Variants in LBHD1 observed in about 807,000 individuals in gnomAD.
LBHD1 encodes the protein LBH domain containing 1, also known as LBH domain-containing protein 1.
A neutral mutation model predicts 31.1 loss-of-function variants in LBHD1; 28 were observed. That is an observed-to-expected ratio of 0.90 (90% confidence interval 0.67 to 1.24). The LOEUF (loss-of-function observed/expected upper bound fraction) is 1.24. Ranked by LOEUF, LBHD1 falls within the 50% of genes most tolerant of loss-of-function variation. The probability of loss-of-function intolerance (pLI) is 0.00; values close to 1 mark genes in which losing one functional copy is unlikely to be tolerated. For synonymous variants in LBHD1, 105 were observed against 116.5 expected (o/e 0.90, Z 0.63); for missense variants, 350 against 323.0 (o/e 1.08, Z -0.64).
At chr11:62,663,586 C>A (rs982671063) in intron 5 of LBHD1, among the ~76,000 whole-genome samples, 2 of 150,922 alleles carry the variant, frequency 1.3e-5, no homozygotes, top group Non-Finnish European at 2.9e-5. Flanking sequence ...CCCAGCTACT[C>A]GGGAGGCTGC....
intron 4 of LBHD1, chr11:62,665,318 G>C (rs1479137855): frequency 9.6e-6 from 7 of 727,156 alleles, no homozygotes; most frequent in Non-Finnish European, 1.6e-5. Flanking sequence ...AGGCCTTTCG[G>C]AGGGTGGTGA....
intron 3 of LBHD1, 92 bp downstream of exon 3, chr11:62,669,549 T>C: frequency 2.0e-6 from 3 of 1,525,920 alleles, no homozygotes; most frequent in Non-Finnish European, 2.6e-6. Context: ...TGCCTGGCAC[T>C]GCTGAATGCA....
rs1476006679 is a variant in LBHD1, at chr11:62,662,874, A to G, written c.*255T>C. The G allele has an allele frequency of 1.2e-5, 7 of 599,910 alleles. 1 individual carries two copies. The highest frequency in any genetic ancestry group is 2.1e-5 in the South Asian group (1 of 47,330). 37.2% of individuals were successfully genotyped at this position (599,910 alleles called of 1,614,324 possible). On this transcript the variant is annotated 3_prime_UTR_variant, in exon 7 of 7. Coordinates refer to ENST00000354588, the MANE Select transcript of LBHD1 (RefSeq NM_024099.5). Reference sequence around the variant, plus strand: ...TGACTGCTAGAGAGGCCCTTCTCCAATCTTTCTTCTGTACCTTCTTCCCTC... The same window carrying G: ...TGACTGCTAGAGAGGCCCTTCTCCAGTCTTTCTTCTGTACCTTCTTCCCTC...
chr11:62,666,696 G>A (rs1379515725), intron 4 of LBHD1: 1 of 1,613,988 alleles, frequency 6.2e-7, no homozygotes, highest in Non-Finnish European at 8.5e-7. Flanking sequence ...CTGGAGGGTG[G>A]CCCAGGCCAA....
chr11:62,667,024 T>TGTAAGCAAA, intron 4 of LBHD1: 1 of 1,607,406 alleles, frequency 6.2e-7, no homozygotes, highest in Non-Finnish European at 8.5e-7. Context: ...TCACCTACTT[T>TGTAAGCAAA]GCTTACTTGA....
Position 62,671,591 on chromosome 11 carries a change from A to T in LBHD1, c.-38T>A. 6.8e-7 allele frequency: 1 copy of T among 1,473,854 alleles called. No individual in the cohort carries two copies. Among genetic ancestry groups the T allele is most frequent in the Non-Finnish European group, 8.9e-7 (1 of 1,120,070 alleles). The allele number at this position is 1,473,854 out of a possible 1,614,324, so 91.3% of individuals were successfully genotyped here. Reference sequence around the variant, plus strand: ...GAGATCCAAGCGCTCCGGATTCCAAACGTTTCCTCGAGCAGGTCCTCTCTA... The same window carrying T: ...GAGATCCAAGCGCTCCGGATTCCAATCGTTTCCTCGAGCAGGTCCTCTCTA... On this transcript the variant is annotated 5_prime_UTR_variant, in exon 1 of 7. Transcript: ENST00000354588.
intron 4 of LBHD1, chr11:62,665,983 G>T: frequency 6.3e-7 from 1 of 1,588,664 alleles, no homozygotes; most frequent in Non-Finnish European, 8.6e-7. Context: ...GGGCAAGGTG[G>T]GGGCAGAGTG....
At position 62,672,048 on chromosome 11, in the gene LBHD1, G is replaced by T; in HGVS notation, c.-495C>A. ...TGCAGGAGGCAGCGACCACGCAGGAGAACGTGGCCTGGAGGAAGAACTGGA... is the reference window on the plus strand; with the variant it reads ...TGCAGGAGGCAGCGACCACGCAGGATAACGTGGCCTGGAGGAAGAACTGGA... On this transcript the variant is annotated 5_prime_UTR_variant, in exon 1 of 7. Transcript: ENST00000354588. 1.9e-6 allele frequency: 3 copies of T among 1,611,198 alleles called. No homozygotes were observed. The highest frequency in any genetic ancestry group is 2.5e-6 in the Non-Finnish European group (3 of 1,178,952).
In LBHD1 at chr11:62,667,698, G is replaced by T; in HGVS notation, c.363C>A (p.Asn121Lys). Residue 121 changes from asparagine to lysine, a missense_variant, in exon 4 of 7, where the codon AAC becomes AAA. By Grantham distance (94) the Asn-to-Lys change is moderately conservative. Transcript: ENST00000354588. ...QDPRSPLRTF[N>K]AGLSWGQDQD... The stretch of plus-strand genomic sequence containing the variant: ...GGTCCTGCCCCCAGCTGAGTCCAGC[G>T]TTAAATGTTCTTAAAGGACTTCTAG... 1 of 1,614,096 alleles carries T rather than the reference G, an allele frequency of 6.2e-7. No homozygotes were observed. Among genetic ancestry groups the T allele is most frequent in the Non-Finnish European group, 8.5e-7 (1 of 1,179,990 alleles).
chr11:62,665,524 T>C, intron 4 of LBHD1: 2 of 1,568,396 alleles, frequency 1.3e-6, no homozygotes, highest in Non-Finnish European at 1.7e-6. Flanking sequence ...TCTTCGGTGC[T>C]GGCGGCTTCC....
At chr11:62,671,528 A>T in intron 1 of LBHD1, 36 bp downstream of exon 1, 1 of 1,409,520 alleles carries the variant, frequency 7.1e-7, no homozygotes, top group African/African-American at 1.4e-5. Context: ...CCTTGGTGCC[A>T]GCACTTCTTG....
intron 3 of LBHD1, 37 bp from the exon 4 acceptor site, chr11:62,667,784 GAT>G: frequency 7.2e-7 from 1 of 1,382,858 alleles, no homozygotes. Context: ...AAATATTACT[GAT>G]ATATTATCAA....
Position 62,672,245 on chromosome 11 carries a change from G to GCAGC in LBHD1, c.-693_-692insGCTG. On this transcript the variant is annotated 5_prime_UTR_variant, in exon 1 of 7. Transcript: ENST00000354588. ...GCCAGGACTCTCCGGGGTCCTGTGA[G>GCAGC]CTGCCGTCGGGTGAGCACGTTTCCC... 1.0e-6 allele frequency: 1 copy of GCAGC among 970,896 alleles called. No individual in the cohort carries two copies. Among genetic ancestry groups the GCAGC allele is most frequent in the Admixed American group, 2.5e-5 (1 of 39,616 alleles). The allele number at this position is 970,896 out of a possible 1,614,324, so 60.1% of individuals were successfully genotyped here.
chr11:62,663,790 A>G (rs1197425578), intron 5 of LBHD1, among the ~76,000 whole-genome samples: 1 of 151,700 alleles, frequency 6.6e-6, no homozygotes, highest in African/African-American at 2.4e-5. Context: ...GAAAGGACAT[A>G]GATCGGGGGC....
intron 5 of LBHD1, 113 bp downstream of exon 5, chr11:62,664,736 C>T (rs1944747724): frequency 1.5e-6 from 2 of 1,355,590 alleles, no homozygotes; most frequent in East Asian, 2.5e-5. Context: ...AGACATTCCC[C>T]GCATAAGCGT....
rs1565128798 is a variant in LBHD1 at position 62,667,612 on chromosome 11, TG to T, written c.448del (p.His150ThrfsTer141). ...GCCTGTTGAGTCCCAGAAGGGACAGTGGTTGGTGGCTTCCAGACATGCTGTG... is the reference window on the plus strand; with the variant it reads ...GCCTGTTGAGTCCCAGAAGGGACAGTGTTGGTGGCTTCCAGACATGCTGTG... ...EDTACLEATN[H>X]CPFWDSTGSR... On this transcript the variant is annotated frameshift_variant, in exon 4 of 7. Coordinates refer to ENST00000354588, the MANE Select transcript of LBHD1 (RefSeq NM_024099.5). LOFTEE classifies it high-confidence loss of function. The T allele has an allele frequency of 1.3e-5, 21 of 1,614,090 alleles. No homozygotes were observed. The highest frequency in any genetic ancestry group is 1.8e-5 in the Non-Finnish European group (21 of 1,180,016).
intron 4 of LBHD1, chr11:62,665,809 A>T: frequency 6.3e-7 from 1 of 1,581,466 alleles, no homozygotes; most frequent in South Asian, 1.1e-5. Flanking sequence ...CCTGGACCTC[A>T]GGCCTCTCCG....
intron 4 of LBHD1, chr11:62,667,201 T>A: frequency 1.3e-6 from 1 of 798,404 alleles, no homozygotes; most frequent in East Asian, 2.6e-5. Flanking sequence ...ATGTTTCTGT[T>A]CCCCAGTTTA....
At chr11:62,669,848 C>G in intron 2 of LBHD1, 34 bp downstream of exon 2, 2 of 1,614,194 alleles carry the variant, frequency 1.2e-6, no homozygotes, top group East Asian at 2.2e-5. Flanking sequence ...GGAGGGTAAG[C>G]CAGCTGCCAG....
Sources: allele counts gnomAD v4.1 joint callset (sites outside exome capture counted in the v4.1 genomes callset), GRCh38; gene constraint gnomAD v4.1.1; transcripts MANE v1.5; gene names NCBI Gene and HGNC (gene_info 2026-07-23, HGNC 2026-07-21).